DYNC2H1: variants seen among roughly 807,000 people sequenced by gnomAD.
DYNC2H1 encodes dynein cytoplasmic 2 heavy chain 1.
A neutral mutation model predicts 570.0 loss-of-function variants in DYNC2H1; 410 were observed. That is an observed-to-expected ratio of 0.72 (90% confidence interval 0.66 to 0.78). The LOEUF (loss-of-function observed/expected upper bound fraction) is 0.78, where lower values mean the gene tolerates loss of function less well. Among genes scored for constraint, DYNC2H1 ranks in the 30% least tolerant of loss-of-function variants. The pLI is 0.00. For missense variants in DYNC2H1, 4,865 were observed against 5,046.4 expected (o/e 0.96, Z 1.09); for synonymous variants, 1,688 against 1,677.6 (o/e 1.01, Z -0.15).
chr11:103,220,222 A>G (rs980183008), intron 56 of DYNC2H1, among the ~76,000 whole-genome samples, 194 bp downstream of exon 56: 2 of 152,208 alleles, frequency 1.3e-5, no homozygotes, highest in Non-Finnish European at 2.9e-5. Flanking sequence ...GATGATAATT[A>G]AAAATAATCT....
chr11:103,166,378 G>A (rs1217469165), intron 31 of DYNC2H1, among the ~76,000 whole-genome samples: 1 of 151,962 alleles, frequency 6.6e-6, no homozygotes, highest in Non-Finnish European at 1.5e-5. Context: ...GAAAAAACTC[G>A]AGGAGAACAA....
At chr11:103,411,034 ACCAGG>A (rs1943065136) in intron 84 of DYNC2H1, among the ~76,000 whole-genome samples, 1 of 151,350 alleles carries the variant, frequency 6.6e-6, no homozygotes, top group East Asian at 2.2e-4. Context: ...ATGTGTAAAG[ACCAGG>A]ACCAAACCTA....
In DYNC2H1 at chr11:103,156,691, G is replaced by A; in HGVS notation, c.4048G>A (p.Val1350Met). The change falls in exon 26 of 89, where the codon GTG becomes ATG. Residue 1350 changes from valine (V) to methionine (M), a missense_variant. Around this residue, in one of 5 missense-constraint regions of DYNC2H1, gnomAD observed 1,936 missense variants for 1,962.1 expected, o/e 0.99. Transcript: ENST00000375735. The stretch of plus-strand genomic sequence containing the variant: ...TTTAAATCATATTCAGAGAAAGTGG[G>A]TGTATTTGGAACCCATTTTCGGCCG... ...QNLNHIQRKW[V>M]YLEPIFGRGA... 1 of 1,613,264 alleles carries A rather than the reference G, an allele frequency of 6.2e-7. No homozygotes were observed. Among genetic ancestry groups the A allele is most frequent in the East Asian group, 2.2e-5 (1 of 44,854 alleles).
In DYNC2H1 at chr11:103,219,964, C is replaced by A; in HGVS notation, c.8882C>A (p.Ala2961Glu). The change falls in exon 56 of 89, where the codon GCA (alanine) becomes GAA (glutamate). Residue 2961 changes from alanine (A) to glutamate (E), a missense_variant. Physicochemically the swap from Ala to Glu is moderately radical, Grantham distance 107. Around this residue, in one of 5 missense-constraint regions of DYNC2H1, gnomAD observed 2,401 missense variants for 2,454.6 expected, o/e 0.98. Coordinates refer to ENST00000375735, the MANE Select transcript of DYNC2H1 (RefSeq NM_001377.3). ...CTTGAAAGACTGAAGCACAGAATAGCAGAAGAAGTTGTTAAAATTGAAGAA... is the reference window on the plus strand; with the variant it reads ...CTTGAAAGACTGAAGCACAGAATAGAAGAAGAAGTTGTTAAAATTGAAGAA... ...TELERLKHRI[A>E]EEVVKIEERK... 1.3e-6 allele frequency: 2 copies of A among 1,507,474 alleles called. No individual in the cohort carries two copies. Among genetic ancestry groups the A allele is most frequent in the Admixed American group, 2.7e-5 (1 of 37,518 alleles). The allele number at this position is 1,507,474 out of a possible 1,614,324, so 93.4% of individuals were successfully genotyped here.
intron 82 of DYNC2H1, among the ~76,000 whole-genome samples, chr11:103,340,330 T>C (rs185812590): frequency 6.6e-6 from 1 of 152,300 alleles, no homozygotes; most frequent in Non-Finnish European, 1.5e-5. Flanking sequence ...GCCTGAATGA[T>C]AGATAAATAT....
Position 103,128,917 on chromosome 11 carries a change from A to G in DYNC2H1, c.1865A>G (p.His622Arg). The change falls in exon 13 of 89, where the codon CAT becomes CGT. Residue 622 changes from histidine to arginine, a missense_variant. His to Arg is a conservative substitution (Grantham distance 29). This residue lies in a region of DYNC2H1 where 1,936 missense variants were observed against 1,962.1 expected (regional missense o/e 0.99). Coordinates refer to ENST00000375735, the MANE Select transcript of DYNC2H1 (RefSeq NM_001377.3). ...TGGACTTTTACTTTGTAGGTGGCAC[A>G]TTTTTATAATTCTATTGATCAACAA... ...KQAIILKQVA[H>R]FYNSIDQQMI... 1 of 1,583,228 alleles carries G rather than the reference A, an allele frequency of 6.3e-7. No individual in the cohort carries two copies. The highest frequency in any genetic ancestry group is 8.6e-7 in the Non-Finnish European group (1 of 1,169,460).
intron 83 of DYNC2H1, among the ~76,000 whole-genome samples, chr11:103,387,074 G>A (rs561881115): frequency 0.077 from 11,683 of 151,116 alleles, 592 homozygotes; most frequent in Non-Finnish European, 0.11. Context: ...AGGAATCGCC[G>A]TACTGACTTC....
At chr11:103,274,978 C>G (rs903337302) in intron 70 of DYNC2H1, among the ~76,000 whole-genome samples, 1 of 151,972 alleles carries the variant, frequency 6.6e-6, no homozygotes, top group Non-Finnish European at 1.5e-5. Context: ...ACCTATAATC[C>G]CAACTACTGG....
At chr11:103,344,815 A>T (rs945143439) in intron 82 of DYNC2H1, among the ~76,000 whole-genome samples, 25 of 152,220 alleles carry the variant, frequency 1.6e-4, no homozygotes, top group African/African-American at 5.8e-4. Context: ...TATATTAATG[A>T]GTAATTAAAA....
At chr11:103,198,752 A>G (rs1003227159) in intron 48 of DYNC2H1, among the ~76,000 whole-genome samples, 5 of 151,966 alleles carry the variant, frequency 3.3e-5, no homozygotes, top group African/African-American at 7.2e-5. Context: ...CCTGCACTCT[A>G]TCAGGTAGTC....
intron 78 of DYNC2H1, among the ~76,000 whole-genome samples, chr11:103,309,168 A>ATTTTTTTTTTTTATTT (rs1867445971): frequency 1.8e-5 from 1 of 54,620 alleles, no homozygotes; most frequent in Non-Finnish European, 3.4e-5. Flanking sequence ...ACTGCATGCT[A>ATTTTTTTTTTTTATTT]TTTTTTTTTT....
rs1480345685 is a variant in DYNC2H1, at chr11:103,201,345, A to G, written c.8197+1191A>G. 1.3e-5 allele frequency among the ~76,000 whole-genome samples: 2 copies of G among 152,082 alleles called. No individual in the cohort carries two copies. The highest frequency in any genetic ancestry group is 2.9e-5 in the Non-Finnish European group (2 of 68,004). On this transcript the variant is annotated intron_variant, in intron 50 of 88. Coordinates refer to ENST00000375735, the MANE Select transcript of DYNC2H1 (RefSeq NM_001377.3). The surrounding 1 kb of genome is among the most constrained non-coding windows in gnomAD (Gnocchi z 4.8). Reference sequence around the variant, plus strand: ...ATTGTTTTATGTTTTCAAGATTTCTATGGTTTGAAAATCATTACTTGCATT... The same window carrying G: ...ATTGTTTTATGTTTTCAAGATTTCTGTGGTTTGAAAATCATTACTTGCATT...
intron 82 of DYNC2H1, among the ~76,000 whole-genome samples, chr11:103,333,426 G>C (rs1938931725): frequency 6.6e-6 from 1 of 152,094 alleles, no homozygotes; most frequent in Non-Finnish European, 1.5e-5. Flanking sequence ...ACTTCGCCAG[G>C]CTAACTTTTT....
At chr11:103,212,392 T>G (rs1470482148) in intron 54 of DYNC2H1, among the ~76,000 whole-genome samples, 5 of 151,892 alleles carry the variant, frequency 3.3e-5, no homozygotes, top group African/African-American at 1.2e-4. Context: ...AATTCACCAC[T>G]AAAGAACTTA....
chr11:103,470,867 T>A (rs1485519776), intron 88 of DYNC2H1, among the ~76,000 whole-genome samples: 27 of 152,312 alleles, frequency 1.8e-4, no homozygotes, highest in African/African-American at 3.4e-4. Flanking sequence ...ATAGTGCCGC[T>A]ATAAACATAC....
intron 87 of DYNC2H1, among the ~76,000 whole-genome samples, chr11:103,456,995 C>A (rs1401794814): frequency 6.6e-6 from 1 of 152,200 alleles, no homozygotes; most frequent in African/African-American, 2.4e-5. Flanking sequence ...AATAGTCATG[C>A]ACTGCATAAC....
intron 83 of DYNC2H1, among the ~76,000 whole-genome samples, chr11:103,361,146 C>T (rs1418350368): frequency 1.3e-5 from 2 of 152,132 alleles, no homozygotes; most frequent in Admixed American, 1.3e-4. Flanking sequence ...GTTTGTTTCC[C>T]TCTTGAAATT....
At chr11:103,444,601 G>A (rs982535703) in intron 85 of DYNC2H1, among the ~76,000 whole-genome samples, 3 of 152,152 alleles carry the variant, frequency 2.0e-5, no homozygotes, top group East Asian at 1.9e-4. Flanking sequence ...TAAGGATGCT[G>A]TAAAGCAAAA....
intron 82 of DYNC2H1, among the ~76,000 whole-genome samples, chr11:103,354,104 G>A (rs1940194563): frequency 6.7e-6 from 1 of 149,808 alleles, no homozygotes; most frequent in African/African-American, 2.5e-5. Context: ...TTGAACCAGG[G>A]AGTTGGAGGT....
Sources: allele counts gnomAD v4.1 joint callset (sites outside exome capture counted in the v4.1 genomes callset), GRCh38; gene constraint gnomAD v4.1.1; regional missense constraint gnomAD v4.1.1; non-coding constraint Gnocchi (gnomAD v3.1); transcripts MANE v1.5; gene names NCBI Gene and HGNC (gene_info 2026-07-23, HGNC 2026-07-21).